DOCK4: variants seen among roughly 807,000 people sequenced by gnomAD.
DOCK4 encodes dedicator of cytokinesis protein 4.
Under a neutral mutation model 268.1 loss-of-function variants are expected in DOCK4, and 97 were observed. The observed-to-expected ratio is 0.36, with a 90% CI of 0.31 to 0.43. DOCK4 has a LOEUF of 0.43. DOCK4 is among the 20% of genes least tolerant of loss of function. DOCK4 has a pLI of 1.00. For missense variants in DOCK4, 2,145 were observed against 2,455.7 expected (o/e 0.87, Z 2.67); for synonymous variants, 954 against 887.2 (o/e 1.08, Z -1.34).
intron 1 of DOCK4, among the ~76,000 whole-genome samples, chr7:112,102,184 T>C (rs1352401409): frequency 2.6e-5 from 4 of 152,238 alleles, no homozygotes; most frequent in Admixed American, 1.3e-4. Flanking sequence ...TTTATGGATC[T>C]ATCTGTCTCC....
At chr7:112,165,559 T>TGTGTGTGTGCGC (rs59052406) in intron 1 of DOCK4, among the ~76,000 whole-genome samples, 7 of 148,152 alleles carry the variant, frequency 4.7e-5, no homozygotes, top group African/African-American at 9.9e-5. Context: ...TGTGTGTGTG[T>TGTGTGTGTGCGC]GCGTGTGTGT....
At chr7:111,913,705 G>A (rs112177375) in intron 13 of DOCK4, among the ~76,000 whole-genome samples, 25,839 of 149,650 alleles carry the variant, frequency 0.17, 2,341 homozygotes, top group Non-Finnish European at 0.21. Flanking sequence ...CACCGCGCCC[G>A]GCCACAATTT....
At chr7:111,884,633 A>C (rs898049369) in intron 16 of DOCK4, among the ~76,000 whole-genome samples, 1 of 152,182 alleles carries the variant, frequency 6.6e-6, no homozygotes, top group African/African-American at 2.4e-5. Context: ...TTCAAATGCA[A>C]TAAGCTCACG....
chr7:112,022,303 T>C (rs1433284978), intron 1 of DOCK4, among the ~76,000 whole-genome samples: 1 of 152,196 alleles, frequency 6.6e-6, no homozygotes, highest in African/African-American at 2.4e-5. Context: ...CTGCAGTAGG[T>C]ATTCTTATCT....
At chr7:111,955,909 G>C (rs962755335) in intron 8 of DOCK4, among the ~76,000 whole-genome samples, 2 of 152,106 alleles carry the variant, frequency 1.3e-5, no homozygotes, top group Non-Finnish European at 2.9e-5. Context: ...CTTAGAAAAA[G>C]GCCTGCTGTA....
At chr7:111,823,204 CTTTTTTTTTT>C (rs917904625) in intron 26 of DOCK4, among the ~76,000 whole-genome samples, 1 of 116,282 alleles carries the variant, frequency 8.6e-6, no homozygotes, top group African/African-American at 3.6e-5. Context: ...GGAAATATTA[CTTTTTTTTTT>C]TTTTTTTTTT....
At chr7:111,790,197 TA>T (rs1307717550) in intron 31 of DOCK4, among the ~76,000 whole-genome samples, 1 of 152,144 alleles carries the variant, frequency 6.6e-6, no homozygotes, top group African/African-American at 2.4e-5. Context: ...TGCAAGTTCT[TA>T]AATACAGATC....
chr7:112,075,848 T>C (rs2135693502), intron 1 of DOCK4, among the ~76,000 whole-genome samples: 2 of 152,256 alleles, frequency 1.3e-5, no homozygotes, highest in Non-Finnish European at 2.9e-5. Flanking sequence ...AAAAGAAGTG[T>C]TGACATAATA....
intron 12 of DOCK4, among the ~76,000 whole-genome samples, chr7:111,921,512 C>A (rs1304137101): frequency 6.6e-6 from 1 of 152,086 alleles, no homozygotes; most frequent in East Asian, 1.9e-4. Context: ...ACTAATAAAC[C>A]ACATAACATG....
Position 111,746,427 on chromosome 7 carries a change from G to A in DOCK4, c.4594-10C>T. On this transcript the variant is annotated splice_polypyrimidine_tract_variant and intron_variant, in intron 43 of 52. Coordinates refer to ENST00000428084, the MANE Select transcript of DOCK4 (RefSeq NM_001363540.2). ...CTTTGACAAAGAATGCCTAGTAAGG[G>A]AAAGGAGAATCAGTCTACTTTAGTG... The A allele has an allele frequency of 6.3e-7, 1 of 1,594,658 alleles. No individual in the cohort carries two copies. The highest frequency in any genetic ancestry group is 8.6e-7 in the Non-Finnish European group (1 of 1,167,858).
intron 8 of DOCK4, among the ~76,000 whole-genome samples, chr7:111,970,585 T>C (rs1427611108): frequency 6.6e-6 from 1 of 152,222 alleles, no homozygotes; most frequent in South Asian, 2.1e-4. Context: ...TTCAACCAGA[T>C]AAATATGCTC....
chr7:111,780,352 T>C (rs977576485), intron 35 of DOCK4, among the ~76,000 whole-genome samples: 3 of 152,224 alleles, frequency 2.0e-5, no homozygotes, highest in African/African-American at 4.8e-5. Context: ...AATAATGCTA[T>C]TCACGTCTCT....
chr7:111,935,810 T>C (rs1794698275), intron 11 of DOCK4, among the ~76,000 whole-genome samples, 182 bp from the exon 12 acceptor site: 1 of 152,202 alleles, frequency 6.6e-6, no homozygotes, highest in Non-Finnish European at 1.5e-5. Flanking sequence ...AGAATGTCCG[T>C]ATCTGGTAAT....
intron 6 of DOCK4, among the ~76,000 whole-genome samples, chr7:111,988,188 G>A (rs774276748): frequency 3.9e-5 from 6 of 152,070 alleles, no homozygotes; most frequent in African/African-American, 7.3e-5. Flanking sequence ...TCCTCTGAAG[G>A]TCCAAATAGC....
intron 12 of DOCK4, among the ~76,000 whole-genome samples, chr7:111,928,595 T>C (rs1460113303): frequency 6.6e-6 from 1 of 150,948 alleles, no homozygotes; most frequent in Non-Finnish European, 1.5e-5. Flanking sequence ...TCTTTTTTTT[T>C]TTTTTTTTTT....
intron 23 of DOCK4, among the ~76,000 whole-genome samples, chr7:111,851,549 A>G (rs574711391): frequency 4.1e-4 from 62 of 152,260 alleles, no homozygotes; most frequent in African/African-American, 1.4e-3. Context: ...ACCTCAAACT[A>G]TCAAAGGTAA....
At chr7:111,992,075 A>G (rs1474750667) in intron 5 of DOCK4, among the ~76,000 whole-genome samples, 6 of 151,248 alleles carry the variant, frequency 4.0e-5, no homozygotes, top group Admixed American at 3.3e-4. Context: ...TGGCTGCTAT[A>G]TTTCTCCTAA....
At chr7:111,793,259 A>G (rs80329088) in intron 30 of DOCK4, among the ~76,000 whole-genome samples, 2,954 of 152,328 alleles carry the variant, frequency 0.019, 96 homozygotes, top group African/African-American at 0.067. Flanking sequence ...ATATGCTACC[A>G]GTGTGAGAGA....
chr7:111,797,265 A>C (rs1324930124), intron 30 of DOCK4, among the ~76,000 whole-genome samples: 2 of 152,196 alleles, frequency 1.3e-5, no homozygotes, highest in Non-Finnish European at 2.9e-5. Context: ...AAAGTTCCCC[A>C]AAATTAAAAA....
Sources: gnomAD v4.1 joint callset for allele counts (sites outside exome capture counted in the v4.1 genomes callset) on GRCh38, gnomAD v4.1.1 for gene constraint, MANE v1.5 for transcripts, NCBI Gene and HGNC (gene_info 2026-07-23, HGNC 2026-07-21) for gene names.